The following APBA2 variants were observed in gnomAD, a reference collection of about 807,000 sequenced individuals.
APBA2 encodes the protein amyloid beta precursor protein binding family A member 2, also known as amyloid-beta A4 precursor protein-binding family A member 2.
In APBA2, 30 loss-of-function variants were observed where a neutral mutation model predicts 75.0. The observed-to-expected ratio is 0.40, with a 90% confidence interval of 0.30 to 0.54. The LOEUF is 0.54. Ranked by LOEUF, APBA2 falls within the 20% of genes least tolerant of loss-of-function variation. The pLI is 0.49. For missense variants in APBA2, 801 were observed against 1,016.1 expected (o/e 0.79, Z 2.88); for synonymous variants, 444 against 409.6 (o/e 1.08, Z -1.01).
intron 2 of APBA2, among the ~76,000 whole-genome samples, chr15:28,947,356 C>T (rs1223609939): frequency 1.3e-5 from 2 of 152,156 alleles, no homozygotes; most frequent in Non-Finnish European, 1.5e-5. Context: ...TCCTCGTGGG[C>T]GTGGCCTGGT....
intron 1 of APBA2, among the ~76,000 whole-genome samples, chr15:28,889,413 G>T (rs919406322): frequency 1.3e-5 from 2 of 152,224 alleles, no homozygotes; most frequent in Non-Finnish European, 2.9e-5. Context: ...TCCTGACTCT[G>T]CAAGTTGGCC....
intron 10 of APBA2, among the ~76,000 whole-genome samples, chr15:29,105,012 G>GA (rs1267706362): frequency 8.6e-5 from 13 of 150,824 alleles, no homozygotes; most frequent in South Asian, 4.2e-4. Context: ...CATCTCGAAA[G>GA]AAAAAAAAAG....
In APBA2 at chr15:29,068,579, C is replaced by A. The variant is rs185488779; in HGVS notation, c.952-6342C>A. Reference sequence around the variant, plus strand: ...ATGGGCGGAGCTCCCACCTTCCCCACAAATGGACACAGAATGGCACCTGGT... The same window carrying A: ...ATGGGCGGAGCTCCCACCTTCCCCAAAAATGGACACAGAATGGCACCTGGT... On this transcript the variant is annotated intron_variant, in intron 4 of 14. Transcript: ENST00000683413. 2.4e-4 allele frequency among the ~76,000 whole-genome samples: 37 copies of A among 152,300 alleles called. No individual in the cohort carries two copies. In the South Asian group the frequency reaches 6.6e-3, roughly 27 times the overall value.
intron 2 of APBA2, among the ~76,000 whole-genome samples, chr15:28,957,317 C>T (rs1437841049): frequency 5.9e-5 from 9 of 152,046 alleles, no homozygotes; most frequent in East Asian, 3.9e-4. Context: ...CCTCGTGATC[C>T]GCCCGCCTCG....
At chr15:28,904,952 G>A (rs1173398813) in intron 1 of APBA2, among the ~76,000 whole-genome samples, 2 of 152,208 alleles carry the variant, frequency 1.3e-5, no homozygotes, top group African/African-American at 4.8e-5. Context: ...GGGCTGGGCC[G>A]CTGACCTGAT....
chr15:29,076,200 C>T, intron 6 of APBA2, 109 bp downstream of exon 6: 3 of 1,199,246 alleles, frequency 2.5e-6, no homozygotes, highest in South Asian at 1.2e-5. Flanking sequence ...CAAAGCGTGC[C>T]TACCTACCAG....
rs1483261171 is a variant in APBA2 at position 28,991,685 on chromosome 15, G to A, written c.-94-4068G>A. Among the ~76,000 whole-genome samples, 1 of 152,168 alleles carries A rather than the reference G, an allele frequency of 6.6e-6. No homozygotes were observed. Among genetic ancestry groups the A allele is most frequent in the African/African-American group, 2.4e-5 (1 of 41,438 alleles). On this transcript the variant is annotated intron_variant, in intron 2 of 14. Transcript: ENST00000683413. This position sits in a 1 kb window ranked among gnomAD's most constrained non-coding sequence, Gnocchi z 4.7. ...CAGGTCGAGCTGGCACTGGGGCGAC[G>A]CTCTGTCTTTGATGCACCCTGATGC...
intron 10 of APBA2, among the ~76,000 whole-genome samples, chr15:29,103,177 G>A (rs1327078414): frequency 6.6e-6 from 1 of 152,188 alleles, no homozygotes; most frequent in Non-Finnish European, 1.5e-5. Context: ...GGCGAAGGGT[G>A]GCAGTCAGCT....
At chr15:28,912,813 A>C (rs1457068226) in intron 1 of APBA2, among the ~76,000 whole-genome samples, 1 of 152,348 alleles carries the variant, frequency 6.6e-6, no homozygotes, top group East Asian at 1.9e-4. Flanking sequence ...TTTTACTTGC[A>C]GATACCTTGA....
intron 2 of APBA2, among the ~76,000 whole-genome samples, chr15:28,936,415 G>A (rs2034875056): frequency 6.6e-6 from 1 of 152,224 alleles, no homozygotes; most frequent in Non-Finnish European, 1.5e-5. Flanking sequence ...CCCAGGCCCA[G>A]GTCTGTCCCG....
At chr15:29,112,883 G>GC (rs560588388) in intron 13 of APBA2, among the ~76,000 whole-genome samples, 202 of 152,062 alleles carry the variant, frequency 1.3e-3, no homozygotes, top group African/African-American at 4.8e-3. Flanking sequence ...GCCCCTGGCG[G>GC]CCCCCCACTT....
At chr15:29,008,719 CA>C (rs1190130085) in intron 3 of APBA2, among the ~76,000 whole-genome samples, 1 of 152,038 alleles carries the variant, frequency 6.6e-6, no homozygotes, top group Non-Finnish European at 1.5e-5. Context: ...AGAACAACAA[CA>C]AAAAACAAAT....
chr15:29,039,673 G>A (rs1270524637), intron 3 of APBA2, among the ~76,000 whole-genome samples: 1 of 152,160 alleles, frequency 6.6e-6, no homozygotes. Context: ...CTTTCCTGCC[G>A]ATGATAATGC....
rs117563965 is a variant in APBA2 at position 28,931,755 on chromosome 15, T to G, written c.-95+10006T>G. Among the ~76,000 whole-genome samples, 72 of 152,314 alleles carry G rather than the reference T, an allele frequency of 4.7e-4. No homozygotes were observed. The East Asian group carries it at 0.014, about 29-fold the overall frequency. On this transcript the variant is annotated intron_variant, in intron 2 of 14. Coordinates refer to ENST00000683413, the MANE Select transcript of APBA2 (RefSeq NM_001353788.2). ...TTATTGTCTGCATTTGGCTTAGAGA[T>G]AGGAAAGTTTTATGTTTATTCAAAT... is the stretch of plus-strand genomic sequence containing the variant.
At chr15:29,015,221 C>T (rs1281920081) in intron 3 of APBA2, among the ~76,000 whole-genome samples, 1 of 152,184 alleles carries the variant, frequency 6.6e-6, no homozygotes, top group Non-Finnish European at 1.5e-5. Context: ...AGCTGAGAGG[C>T]ATGCTCTTGG....
chr15:29,055,816 T>G (rs1433426523), intron 4 of APBA2, among the ~76,000 whole-genome samples: 3 of 152,160 alleles, frequency 2.0e-5, no homozygotes, highest in African/African-American at 7.2e-5. Flanking sequence ...TTGTATTCTC[T>G]CTAAAGAACG....
At chr15:28,985,305 C>A (rs900793632) in intron 2 of APBA2, among the ~76,000 whole-genome samples, 1 of 152,170 alleles carries the variant, frequency 6.6e-6, no homozygotes, top group East Asian at 1.9e-4. Context: ...TCCAGCACCC[C>A]ACACGCCCCT....
At chr15:28,993,150 GC>G (rs907616318) in intron 2 of APBA2, among the ~76,000 whole-genome samples, 1 of 152,068 alleles carries the variant, frequency 6.6e-6, no homozygotes, top group Non-Finnish European at 1.5e-5. Flanking sequence ...GATGGAGCCC[GC>G]CCCCCAAATA....
chr15:28,966,560 T>A (rs1204411501), intron 2 of APBA2, among the ~76,000 whole-genome samples: 1 of 152,198 alleles, frequency 6.6e-6, no homozygotes, highest in Non-Finnish European at 1.5e-5. Context: ...TTACTTTCAG[T>A]CTACCCATGT....
Sources: allele counts gnomAD v4.1 joint callset (sites outside exome capture counted in the v4.1 genomes callset), GRCh38; gene constraint gnomAD v4.1.1; non-coding constraint Gnocchi (gnomAD v3.1); transcripts MANE v1.5; gene names NCBI Gene and HGNC (gene_info 2026-07-23, HGNC 2026-07-21).